The following NPAS3 variants were observed in gnomAD, a reference collection of about 807,000 sequenced individuals.
NPAS3 encodes the protein neuronal PAS domain protein 3, also known as neuronal PAS domain-containing protein 3.
NPAS3 carries 14 observed loss-of-function variants against 73.1 expected under a neutral mutation model. The ratio of observed to expected loss-of-function variants is 0.19; its 90% CI spans 0.13 to 0.30. The LOEUF is 0.30. Among genes scored for constraint, NPAS3 ranks in the 10% least tolerant of loss-of-function variants. The probability of loss-of-function intolerance (pLI) is 1.00; values close to 1 mark genes in which losing one functional copy is unlikely to be tolerated. For synonymous variants in NPAS3, 620 were observed against 541.5 expected (o/e 1.14, Z -2.01); for missense variants, 1,096 against 1,250.0 (o/e 0.88, Z 1.86).
chr14:33,065,575 T>C (rs1187516457), intron 2 of NPAS3, among the ~76,000 whole-genome samples: 1 of 152,124 alleles, frequency 6.6e-6, no homozygotes, highest in Non-Finnish European at 1.5e-5. Context: ...GTGATTCGTA[T>C]ATCAATTTGA....
chr14:33,124,260 A>G (rs1396262066), intron 2 of NPAS3, among the ~76,000 whole-genome samples: 1 of 152,122 alleles, frequency 6.6e-6, no homozygotes, highest in Non-Finnish European at 1.5e-5. Context: ...GCTTGGAGTG[A>G]AAAGATTTTC....
At chr14:33,538,973 T>C (rs1044456914) in intron 4 of NPAS3, among the ~76,000 whole-genome samples, 2 of 152,190 alleles carry the variant, frequency 1.3e-5, no homozygotes, top group African/African-American at 4.8e-5. Context: ...TTTATTTGCT[T>C]TTGAGTTGTT....
intron 3 of NPAS3, among the ~76,000 whole-genome samples, chr14:33,260,672 G>C (rs546933089): frequency 6.6e-6 from 1 of 152,084 alleles, no homozygotes; most frequent in East Asian, 1.9e-4. Flanking sequence ...GTTTCTCACC[G>C]ATAACAGTTT....
intron 4 of NPAS3, among the ~76,000 whole-genome samples, chr14:33,529,313 A>G (rs80334718): frequency 0.013 from 2,038 of 152,276 alleles, 28 homozygotes; most frequent in Non-Finnish European, 0.022. Context: ...TAAAGATGCC[A>G]TCAGGGTGCT....
chr14:33,195,413 G>C (rs2046317795), intron 2 of NPAS3, among the ~76,000 whole-genome samples: 1 of 152,102 alleles, frequency 6.6e-6, no homozygotes, highest in South Asian at 2.1e-4. Context: ...TGGGATTACA[G>C]GCGTGCACCA....
chr14:33,498,935 A>AGTGTGTGTGTGTGTGTGTGTGT (rs3058422), intron 4 of NPAS3, among the ~76,000 whole-genome samples: 1 of 94,902 alleles, frequency 1.1e-5, no homozygotes, highest in Admixed American at 1.0e-4. Context: ...ACAGAGAGAG[A>AGTGTGTGTGTGTGTGTGTGTGT]GTGTGTGTGT....
chr14:33,462,498 G>A (rs1422934002), intron 4 of NPAS3, among the ~76,000 whole-genome samples: 1 of 152,168 alleles, frequency 6.6e-6, no homozygotes, highest in African/African-American at 2.4e-5. Context: ...CCTTCTTCAT[G>A]ACATAGACGG....
chr14:33,769,677 C>T (rs894493346), intron 7 of NPAS3, among the ~76,000 whole-genome samples: 5 of 150,022 alleles, frequency 3.3e-5, no homozygotes, highest in Admixed American at 2.7e-4. Flanking sequence ...ATATAATACA[C>T]ATCAGGCATT....
chr14:33,568,394 T>C (rs1248355506), intron 5 of NPAS3, among the ~76,000 whole-genome samples: 1 of 152,212 alleles, frequency 6.6e-6, no homozygotes, highest in Non-Finnish European at 1.5e-5. Flanking sequence ...ATTTTCTATA[T>C]GGTATTAATT....
chr14:33,644,868 G>T (rs926337511), intron 5 of NPAS3, among the ~76,000 whole-genome samples: 1 of 152,084 alleles, frequency 6.6e-6, no homozygotes, highest in Non-Finnish European at 1.5e-5. Context: ...GGATCACAAG[G>T]TCAGGGGTTT....
chr14:33,204,574 G>C (rs576192178), intron 2 of NPAS3, among the ~76,000 whole-genome samples: 3 of 152,044 alleles, frequency 2.0e-5, no homozygotes, highest in Admixed American at 1.3e-4. Context: ...TGTAGCTGCC[G>C]TCAGGTTTTC....
intron 6 of NPAS3, among the ~76,000 whole-genome samples, chr14:33,683,645 A>G (rs114657449): frequency 0.034 from 5,177 of 152,192 alleles, 270 homozygotes; most frequent in African/African-American, 0.12. Context: ...TCAGTTACCT[A>G]GCATTGACTG....
upstream of NPAS3, among the ~76,000 whole-genome samples, chr14:32,938,375 C>T (rs1016008979): frequency 4.0e-5 from 6 of 151,782 alleles, no homozygotes; most frequent in African/African-American, 1.2e-4. Flanking sequence ...GGCTGCAATA[C>T]TCCAGAGAAG....
intron 4 of NPAS3, among the ~76,000 whole-genome samples, chr14:33,440,926 A>G (rs1252121335): frequency 3.3e-5 from 5 of 151,860 alleles, no homozygotes; most frequent in Non-Finnish European, 5.9e-5. Context: ...AAGAGCACAA[A>G]CAGCTGTTTT....
chr14:33,787,163 C>G (rs183500848), intron 9 of NPAS3, among the ~76,000 whole-genome samples: 1 of 152,090 alleles, frequency 6.6e-6, no homozygotes, highest in Non-Finnish European at 1.5e-5. Context: ...GAAAACAGCT[C>G]GTAAAATACT....
intron 3 of NPAS3, among the ~76,000 whole-genome samples, chr14:33,249,933 CA>C (rs1186865660): frequency 1.7e-4 from 26 of 152,014 alleles, no homozygotes; most frequent in African/African-American, 6.3e-4. Flanking sequence ...CACACACACA[CA>C]CACCCCTACA....
chr14:33,638,563 A>G (rs2140170093), intron 5 of NPAS3, among the ~76,000 whole-genome samples: 1 of 152,356 alleles, frequency 6.6e-6, no homozygotes, highest in South Asian at 2.1e-4. Flanking sequence ...TGTCTAGTAC[A>G]TGTCGTACAC....
intron 4 of NPAS3, among the ~76,000 whole-genome samples, chr14:33,504,694 T>A (rs2052673871): frequency 1.3e-5 from 2 of 152,052 alleles, no homozygotes; most frequent in South Asian, 4.1e-4. Context: ...CAGCACCTAC[T>A]ATGTGTTGGC....
At chr14:33,480,472 C>T (rs1388739788) in intron 4 of NPAS3, among the ~76,000 whole-genome samples, 1 of 151,842 alleles carries the variant, frequency 6.6e-6, no homozygotes, top group Non-Finnish European at 1.5e-5. Flanking sequence ...ACTTCCAAGG[C>T]AGTGAATTCA....
Sources: allele counts gnomAD v4.1 joint callset (sites outside exome capture counted in the v4.1 genomes callset), GRCh38; gene constraint gnomAD v4.1.1; transcripts MANE v1.5; gene names NCBI Gene and HGNC (gene_info 2026-07-23, HGNC 2026-07-21).